CNTN5: variants seen among roughly 807,000 people sequenced by gnomAD.
CNTN5 encodes the protein contactin-5.
CNTN5 carries 77 observed loss-of-function variants against 129.1 expected under a neutral mutation model. The observed-to-expected ratio is 0.60, with a 90% CI of 0.50 to 0.72. The LOEUF is 0.72. Ranked by LOEUF, CNTN5 falls within the 30% of genes least tolerant of loss-of-function variation. The pLI, the probability that CNTN5 is intolerant of heterozygous loss-of-function variation, is 0.00. For missense variants in CNTN5, 1,478 were observed against 1,328.8 expected (o/e 1.11, Z -1.75); for synonymous variants, 509 against 465.6 (o/e 1.09, Z -1.20).
intron 20 of CNTN5, 41 bp from the exon 21 acceptor site, chr11:100,308,318 C>A: frequency 6.3e-7 from 1 of 1,580,680 alleles, no homozygotes; most frequent in Admixed American, 1.8e-5. Context: ...CTTTGATGGA[C>A]ATAAACTTTT....
intron 2 of CNTN5, among the ~76,000 whole-genome samples, chr11:99,538,593 A>G (rs1040357512): frequency 6.6e-6 from 1 of 152,168 alleles, no homozygotes; most frequent in Non-Finnish European, 1.5e-5. Flanking sequence ...TGCACCATTA[A>G]TATCATTCCG....
At chr11:100,195,036 A>G (rs1475458122) in intron 15 of CNTN5, among the ~76,000 whole-genome samples, 1 of 151,976 alleles carries the variant, frequency 6.6e-6, no homozygotes, top group Non-Finnish European at 1.5e-5. Flanking sequence ...AATTAAACAC[A>G]TTTTGCTCTG....
rs1555137899 is a variant in CNTN5 at position 99,408,480 on chromosome 11, A to AAGAAAG, written c.-71+82998_-71+83003dup. 2.8e-5 allele frequency among the ~76,000 whole-genome samples: 4 copies of AAGAAAG among 145,186 alleles called. 1 individual carries two copies. In the East Asian group the frequency reaches 8.8e-4, roughly 32 times the overall value. On this transcript the variant is annotated intron_variant, in intron 2 of 24. Coordinates refer to ENST00000524871, the MANE Select transcript of CNTN5 (RefSeq NM_014361.4). ...AAAGAAAGAAAGAAAGAAAGAAAGA[A>AAGAAAG]AGAAAGAAAGAAAGAAAGAAAGAAA...
At chr11:99,830,456 G>A (rs1224029901) in intron 4 of CNTN5, among the ~76,000 whole-genome samples, 3 of 152,070 alleles carry the variant, frequency 2.0e-5, no homozygotes, top group African/African-American at 7.2e-5. Flanking sequence ...CATGGGCAAT[G>A]GCATCCTGAC....
chr11:99,575,715 G>T (rs1225994504), intron 3 of CNTN5, among the ~76,000 whole-genome samples: 2 of 152,210 alleles, frequency 1.3e-5, no homozygotes, highest in Admixed American at 6.5e-5. Context: ...TGGGACAGAA[G>T]TTGATGCTTC....
At chr11:100,057,900 C>T (rs896888779) in intron 9 of CNTN5, among the ~76,000 whole-genome samples, 2 of 152,012 alleles carry the variant, frequency 1.3e-5, no homozygotes, top group South Asian at 2.1e-4. Context: ...CTGTTTAAAT[C>T]TTTCAAGATT....
intron 1 of CNTN5, among the ~76,000 whole-genome samples, chr11:99,251,980 G>C (rs922675373): frequency 1.3e-5 from 2 of 151,900 alleles, no homozygotes; most frequent in South Asian, 4.1e-4. Context: ...ATGTAACTTT[G>C]ATTTACATTT....
At chr11:100,028,730 T>C (rs1254253832) in intron 9 of CNTN5, among the ~76,000 whole-genome samples, 3 of 152,206 alleles carry the variant, frequency 2.0e-5, no homozygotes, top group Non-Finnish European at 2.9e-5. Context: ...GCTTACAATA[T>C]ATATTGTCAT....
intron 1 of CNTN5, among the ~76,000 whole-genome samples, chr11:99,079,310 G>C (rs2135276007): frequency 6.6e-6 from 1 of 152,152 alleles, no homozygotes; most frequent in East Asian, 1.9e-4. Flanking sequence ...AAGACTTCCT[G>C]CAAGATTTTC....
rs559571609 is a variant in CNTN5 at position 99,888,852 on chromosome 11, C to T, written c.578-27202C>T. Among the ~76,000 whole-genome samples, 16 of 152,266 alleles carry T rather than the reference C, an allele frequency of 1.1e-4. No individual in the cohort carries two copies. The South Asian group carries it at 2.1e-3, about 20-fold the overall frequency. On this transcript the variant is annotated intron_variant, in intron 6 of 24. Coordinates refer to ENST00000524871, the MANE Select transcript of CNTN5 (RefSeq NM_014361.4). ...TGGACCTGAGTTTGACACATTACTG[C>T]GTGACGCAGGGCAAATTTAATTTCT... is the stretch of plus-strand genomic sequence containing the variant.
At position 100,094,762 on chromosome 11, in the gene CNTN5, AGGAAAGGAAGGAAGGAAGGAAGG is replaced by A; in HGVS notation, c.1580+20469_1580+20491del. ...GGAAAGAAGAAGGAGGGAGGGAGGG[AGGAAAGGAAGGAAGGAAGGAAGG>A]AAGGAAGGAAGGAAGGAAGGAAGGA... On this transcript the variant is annotated intron_variant, in intron 13 of 24. Transcript: ENST00000524871. Among the ~76,000 whole-genome samples the A allele has an allele frequency of 2.2e-5, 3 of 136,192 alleles. No individual in the cohort carries two copies. In the Admixed American group the frequency reaches 2.3e-4, roughly 10 times the overall value. The allele number at this position is 136,192 out of a possible 152,430, so 89.3% of individuals were successfully genotyped here.
chr11:99,101,787 A>C (rs1217455990), intron 1 of CNTN5, among the ~76,000 whole-genome samples: 1 of 152,118 alleles, frequency 6.6e-6, no homozygotes, highest in Non-Finnish European at 1.5e-5. Context: ...TGACTTTTCC[A>C]GGCACATGGT....
chr11:99,381,123 C>T (rs1380454643), intron 2 of CNTN5, among the ~76,000 whole-genome samples: 1 of 149,746 alleles, frequency 6.7e-6, no homozygotes, highest in African/African-American at 2.5e-5. Context: ...CATATACCAG[C>T]AAATAAAAAA....
At chr11:99,483,077 G>A (rs535620062) in intron 2 of CNTN5, among the ~76,000 whole-genome samples, 21 of 150,230 alleles carry the variant, frequency 1.4e-4, no homozygotes, top group Non-Finnish European at 2.7e-4. Context: ...TGGGGAGGCT[G>A]AGGCAGGAGA....
At chr11:99,125,558 T>C (rs1591236243) in intron 1 of CNTN5, among the ~76,000 whole-genome samples, 1 of 152,174 alleles carries the variant, frequency 6.6e-6, no homozygotes, top group Non-Finnish European at 1.5e-5. Context: ...AAGGATGCTC[T>C]CTCTCTCACC....
chr11:100,323,644 C>CCT (rs1555069817), intron 21 of CNTN5, among the ~76,000 whole-genome samples: 26 of 151,894 alleles, frequency 1.7e-4, no homozygotes, highest in South Asian at 4.2e-4. Context: ...CCTCCCCCCC[C>CCT]CTTCTTTTCA....
chr11:100,164,041 A>ATTCTT (rs1947541525), intron 13 of CNTN5, among the ~76,000 whole-genome samples: 1 of 151,848 alleles, frequency 6.6e-6, no homozygotes, highest in Admixed American at 6.6e-5. Context: ...AGTTTGAAAG[A>ATTCTT]TTCTTTAAAA....
intron 3 of CNTN5, among the ~76,000 whole-genome samples, chr11:99,620,027 A>AGAAAAAAAAAAAAAAACCAAAAAG (rs1950887233): frequency 1.5e-5 from 2 of 129,046 alleles, no homozygotes; most frequent in African/African-American, 2.8e-5. Flanking sequence ...CTCCGTCTCA[A>AGAAAAAAAAAAAAAAACCAAAAAG]AAAAAAAAAA....
At chr11:99,683,547 T>C (rs1953652779) in intron 3 of CNTN5, among the ~76,000 whole-genome samples, 2 of 151,928 alleles carry the variant, frequency 1.3e-5, no homozygotes, top group African/African-American at 4.8e-5. Context: ...GCCTTTATAA[T>C]AAATCTTTTT....
Sources: allele counts gnomAD v4.1 joint callset (sites outside exome capture counted in the v4.1 genomes callset), GRCh38; gene constraint gnomAD v4.1.1; transcripts MANE v1.5; gene names NCBI Gene and HGNC (gene_info 2026-07-23, HGNC 2026-07-21).